Variants in ASPM observed in about 807,000 individuals in gnomAD.
ASPM encodes abnormal spindle-like microcephaly-associated protein.
Under a neutral mutation model 366.4 loss-of-function variants are expected in ASPM, and 256 were observed. The observed-to-expected ratio is 0.70, with a 90% CI of 0.63 to 0.77. ASPM has a LOEUF of 0.77. ASPM is among the 30% of genes least tolerant of loss of function. ASPM has a pLI of 0.00. For synonymous variants in ASPM, 1,414 were observed against 1,342.9 expected (o/e 1.05, Z -1.16); for missense variants, 4,146 against 4,090.4 (o/e 1.01, Z -0.37).
intron 10 of ASPM, 87 bp downstream of exon 10, chr1:197,128,403 G>A: frequency 7.4e-7 from 1 of 1,359,924 alleles, no homozygotes; most frequent in East Asian, 2.4e-5. Context: ...ACTTGAAAGA[G>A]CAAGATTGAA....
chr1:197,100,193 T>C (rs1284374558), intron 18 of ASPM, among the ~76,000 whole-genome samples: 1 of 151,706 alleles, frequency 6.6e-6, no homozygotes, highest in African/African-American at 2.4e-5. Context: ...AATTAACCCA[T>C]ACTGAAATGC....
At position 197,091,113 on chromosome 1, in the gene ASPM, T is replaced by G. The variant is rs1656771816; in HGVS notation, c.9445-72A>C. 11 of 1,213,802 alleles carry G rather than the reference T, an allele frequency of 9.1e-6. No homozygotes were observed. In the East Asian group the frequency reaches 2.8e-4, roughly 31 times the overall value. 75.2% of individuals were successfully genotyped at this position (1,213,802 alleles called of 1,614,324 possible). ...TTTAAAAAAATATACAAATATACAT[T>G]TATACATAAATGAAAGAAATAGAAC... On this transcript the variant is annotated intron_variant, in intron 22 of 27. Transcript: ENST00000367409.
intron 4 of ASPM, among the ~76,000 whole-genome samples, chr1:197,137,004 G>A (rs1397656534): frequency 6.6e-6 from 1 of 151,996 alleles, no homozygotes. Context: ...AAACCCTATG[G>A]ATCATACTAT....
intron 27 of ASPM, 63 bp from the exon 28 acceptor site, chr1:197,084,489 C>CT: frequency 9.0e-7 from 1 of 1,109,888 alleles, no homozygotes; most frequent in East Asian, 2.4e-5. Flanking sequence ...TTACCTTCAC[C>CT]TTTTTTCTCT....
At position 197,117,858 on chromosome 1, in the gene ASPM, CTG is replaced by C; in HGVS notation, c.3994_3995del (p.Gln1332GlufsTer17). On this transcript the variant is annotated frameshift_variant, in exon 17 of 28. Coordinates refer to ENST00000367409, the MANE Select transcript of ASPM (RefSeq NM_018136.5). LOFTEE classifies it high-confidence loss of function. ...IQKYWRRVLAQRKLLMLKKEK... is the reference protein window; with the variant it reads ...IQKYWRRVLAXRKLLMLKKEK... ...CCTTTTTTAACATTAATAATTTTCT[CTG>C]TGCTAAGACTCTTCGCCAATATTTC... is the stretch of plus-strand genomic sequence containing the variant. 6.2e-7 allele frequency: 1 copy of C among 1,612,330 alleles called. No homozygotes were observed. Among genetic ancestry groups the C allele is most frequent in the Non-Finnish European group, 8.5e-7 (1 of 1,179,320 alleles).
chr1:197,124,304 A>G lies in ASPM; in HGVS notation c.3196T>C (p.Leu1066=), dbSNP rs1364397398. ...TTTAGAAAGGCAATTTCTTCCTTTA[A>G]TTGATCTAAGTTAAGGGAAATATCC... The part of the protein sequence containing the change: ...QVDISLNLDQ[L]KEEIAFLKHT... Residue 1066 remains leucine (L), a synonymous_variant, in exon 13 of 28, where the codon TTA becomes CTA. Coordinates refer to ENST00000367409, the MANE Select transcript of ASPM (RefSeq NM_018136.5). 3 of 1,588,074 alleles carry G rather than the reference A, an allele frequency of 1.9e-6. No individual in the cohort carries two copies. Among genetic ancestry groups the G allele is most frequent in the Non-Finnish European group, 2.6e-6 (3 of 1,158,328 alleles).
intron 17 of ASPM, among the ~76,000 whole-genome samples, chr1:197,110,866 C>T (rs1484624223): frequency 6.6e-6 from 1 of 151,930 alleles, no homozygotes; most frequent in Admixed American, 6.6e-5. Context: ...AAAGGATATG[C>T]TATTCAATAA....
chr1:197,101,680 C>G lies in ASPM; in HGVS notation c.7571G>C (p.Arg2524Thr). Residue 2524 changes from arginine to threonine, a missense_variant, in exon 18 of 28, where the codon AGA becomes ACA. This residue lies in a region of ASPM where 3,624 missense variants were observed against 3,591.7 expected (regional missense o/e 1.01). Coordinates refer to ENST00000367409, the MANE Select transcript of ASPM (RefSeq NM_018136.5). ...YRTYRAAKLQ[R>T]ENYIRQWHSA... ...ATGCCATTGTCTGATATAATTTTCTCTTTGTAATTTTGCAGCTCTATATGT... is the reference window on the plus strand; with the variant it reads ...ATGCCATTGTCTGATATAATTTTCTGTTTGTAATTTTGCAGCTCTATATGT... 1.2e-6 allele frequency: 2 copies of G among 1,612,236 alleles called. No individual in the cohort carries two copies. The highest frequency in any genetic ancestry group is 1.1e-5 in the South Asian group (1 of 91,052).
chr1:197,145,061 A>G (rs990267892), intron 1 of ASPM, among the ~76,000 whole-genome samples: 1 of 151,244 alleles, frequency 6.6e-6, no homozygotes, highest in Non-Finnish European at 1.5e-5. Flanking sequence ...CATGAAACAG[A>G]GGGGCGGGGT....
In ASPM at chr1:197,104,560, C is replaced by A. The variant is rs375940182; in HGVS notation, c.4691G>T (p.Cys1564Phe). The A allele has an allele frequency of 8.7e-6, 14 of 1,612,742 alleles. No individual in the cohort carries two copies. In the African/African-American group the frequency reaches 1.9e-4, roughly 22 times the overall value. ...CATTCTCCAGTATGACTGAATAACACAAGCAGCTCTAATTTGTCTACATAA... is the reference window on the plus strand; with the variant it reads ...CATTCTCCAGTATGACTGAATAACAAAAGCAGCTCTAATTTGTCTACATAA... Reference protein sequence around the residue: ...HNLCRQIRAACVIQSYWRMRQ... With the variant: ...HNLCRQIRAAFVIQSYWRMRQ... The change falls in exon 18 of 28, where the codon TGT (cysteine) becomes TTT (phenylalanine). Residue 1564 changes from cysteine (C) to phenylalanine (F), a missense_variant. Transcript: ENST00000367409.
At chr1:197,087,044 T>A in intron 26 of ASPM, 72 bp from the exon 27 acceptor site, 5 of 1,350,920 alleles carry the variant, frequency 3.7e-6, no homozygotes, top group Admixed American at 2.0e-5. Flanking sequence ...ACTAGCAAAA[T>A]CAAATATAAT....
intron 18 of ASPM, among the ~76,000 whole-genome samples, chr1:197,097,927 C>A: frequency 6.6e-6 from 1 of 150,772 alleles, no homozygotes; most frequent in Non-Finnish European, 1.5e-5. Flanking sequence ...AATTTTGAGA[C>A]CCATTAAAAC....
At chr1:197,125,825 T>C (rs1658075321) in intron 10 of ASPM, among the ~76,000 whole-genome samples, 1 of 152,076 alleles carries the variant, frequency 6.6e-6, no homozygotes, top group South Asian at 2.1e-4. Flanking sequence ...CCCCAACTGA[T>C]TTCTGTCTTC....
chr1:197,130,178 G>T, intron 7 of ASPM, 122 bp from the exon 8 acceptor site: 1 of 1,027,194 alleles, frequency 9.7e-7, no homozygotes, highest in South Asian at 1.4e-5. Context: ...AAATGACATG[G>T]TTATTTGCTA....
chr1:197,117,953 A>C lies in ASPM; in HGVS notation c.3901T>G (p.Leu1301Val), dbSNP rs1162621745. 5 of 1,613,578 alleles carry C rather than the reference A, an allele frequency of 3.1e-6. No individual in the cohort carries two copies. In the South Asian group the frequency reaches 5.5e-5, roughly 18 times the overall value. ...EREKAARIIQ[L>V]AVINFLAKQR... ...TTTGCTAGAAAATTGATTACAGCCA[A>C]TTGAATAATTCTTGCAGCTTTCTCT... Residue 1301 changes from leucine (L) to valine (V), a missense_variant, in exon 17 of 28, where the codon TTG becomes GTG. Physicochemically the swap from Leu to Val is conservative, Grantham distance 32 (BLOSUM62 1). Coordinates refer to ENST00000367409, the MANE Select transcript of ASPM (RefSeq NM_018136.5).
At chr1:197,118,114 G>T in intron 16 of ASPM, 131 bp from the exon 17 acceptor site, 1 of 860,254 alleles carries the variant, frequency 1.2e-6, no homozygotes, top group Non-Finnish European at 1.8e-6. Context: ...CACTTCTTGT[G>T]TTCATCTTTG....
intron 13 of ASPM, 126 bp from the exon 14 acceptor site, chr1:197,122,721 G>C: frequency 1.1e-6 from 1 of 927,594 alleles, no homozygotes; most frequent in Non-Finnish European, 1.7e-6. Context: ...GCAAGTAATG[G>C]CAAGTTTGAC....
chr1:197,124,310 CTAAGT>C lies in ASPM; in HGVS notation c.3185_3189del (p.Asn1062ArgfsTer28). On this transcript the variant is annotated frameshift_variant, in exon 13 of 28. Transcript: ENST00000367409. LOFTEE classifies it high-confidence loss of function. ...AAGGCAATTTCTTCCTTTAATTGAT[CTAAGT>C]TAAGGGAAATATCCACCTAAAACAA... is the stretch of plus-strand genomic sequence containing the variant. 4 of 1,580,742 alleles carry C rather than the reference CTAAGT, an allele frequency of 2.5e-6. No homozygotes were observed. The highest frequency in any genetic ancestry group is 1.1e-5 in the South Asian group (1 of 89,790).
At chr1:197,120,316 A>G (rs1472139527) in intron 16 of ASPM, among the ~76,000 whole-genome samples, 1 of 151,932 alleles carries the variant, frequency 6.6e-6, no homozygotes, top group African/African-American at 2.4e-5. Flanking sequence ...AGATCACTTG[A>G]GGCAGGAGTT....
Sources: gnomAD v4.1 joint callset for allele counts (sites outside exome capture counted in the v4.1 genomes callset) on GRCh38, gnomAD v4.1.1 for gene constraint, gnomAD v4.1.1 regional missense constraint, MANE v1.5 for transcripts, NCBI Gene and HGNC (gene_info 2026-07-23, HGNC 2026-07-21) for gene names.